Variants in JARID2 observed in about 807,000 individuals in gnomAD.
The protein encoded by JARID2 is protein Jumonji.
JARID2 carries 21 observed loss-of-function variants against 125.6 expected under a neutral mutation model. The observed-to-expected ratio is 0.17, with a 90% CI of 0.12 to 0.24. The LOEUF (loss-of-function observed/expected upper bound fraction) is 0.24. Among genes scored for constraint, JARID2 ranks in the 10% least tolerant of loss-of-function variants. JARID2 has a pLI of 1.00. For synonymous variants in JARID2, 736 were observed against 661.6 expected (o/e 1.11, Z -1.73); for missense variants, 1,303 against 1,639.6 (o/e 0.79, Z 3.55).
intron 3 of JARID2, among the ~76,000 whole-genome samples, chr6:15,412,422 C>A (rs1392283952): frequency 6.6e-6 from 1 of 152,148 alleles, no homozygotes; most frequent in Non-Finnish European, 1.5e-5. Flanking sequence ...GATTCTCATG[C>A]CTCAGCCTCC....
chr6:15,328,819 G>T (rs1227206614), intron 1 of JARID2, among the ~76,000 whole-genome samples: 1 of 152,160 alleles, frequency 6.6e-6, no homozygotes, highest in Non-Finnish European at 1.5e-5. Context: ...GGCTATTATT[G>T]CTGCAGGAAG....
At chr6:15,400,047 G>T (rs1241490567) in intron 2 of JARID2, among the ~76,000 whole-genome samples, 4 of 152,190 alleles carry the variant, frequency 2.6e-5, no homozygotes, top group Admixed American at 6.5e-5. Flanking sequence ...CCCTCAGTTG[G>T]ACTCCTGCCT....
chr6:15,472,585 G>A (rs77777716), intron 5 of JARID2, among the ~76,000 whole-genome samples: 1 of 152,156 alleles, frequency 6.6e-6, no homozygotes, highest in Non-Finnish European at 1.5e-5. Flanking sequence ...CAACCCAGCA[G>A]AGTCCCAGAA....
At chr6:15,336,557 C>T (rs1762885406) in intron 1 of JARID2, among the ~76,000 whole-genome samples, 1 of 151,914 alleles carries the variant, frequency 6.6e-6, no homozygotes, top group Non-Finnish European at 1.5e-5. Flanking sequence ...AAAGAATGTT[C>T]CCCAATGTTG....
chr6:15,306,293 C>T (rs1761819797), intron 1 of JARID2, among the ~76,000 whole-genome samples: 1 of 151,744 alleles, frequency 6.6e-6, no homozygotes, highest in Admixed American at 6.6e-5. Context: ...GTGAGCCAGC[C>T]AGCCTCTTTT....
intron 1 of JARID2, among the ~76,000 whole-genome samples, chr6:15,323,374 C>A (rs546101423): frequency 6.6e-6 from 1 of 152,008 alleles, no homozygotes; most frequent in African/African-American, 2.4e-5. Flanking sequence ...GCTACAGCAC[C>A]GGGAAATCCT....
rs1351841609 is a variant in JARID2, at chr6:15,496,696, G to A, written c.1471G>A (p.Glu491Lys). The A allele has an allele frequency of 6.2e-7, 1 of 1,613,394 alleles. No homozygotes were observed. The highest frequency in any genetic ancestry group is 8.5e-7 in the Non-Finnish European group (1 of 1,179,934). The change falls in exon 7 of 18, where the codon GAG becomes AAG. Residue 491 changes from glutamate to lysine, a missense_variant. Physicochemically the swap from Glu to Lys is moderately conservative, Grantham distance 56 (BLOSUM62 1). Around this residue, in one of 11 missense-constraint regions of JARID2, gnomAD observed 651 missense variants for 581.6 expected, o/e 1.12. Transcript: ENST00000341776. ...CGGACACGTGAAGAAGGAAGTGCCG[G>A]AGCGCAGTCTGGAGAGGAATCGGCC... ...LNGHVKKEVP[E>K]RSLERNRPKR...
At chr6:15,282,911 T>G (rs538577305) in intron 1 of JARID2, among the ~76,000 whole-genome samples, 61 of 151,304 alleles carry the variant, frequency 4.0e-4, no homozygotes, top group African/African-American at 1.5e-3. Flanking sequence ...TGATTGTTGG[T>G]CTTTTTCTTA....
At chr6:15,324,755 C>T (rs1302843540) in intron 1 of JARID2, among the ~76,000 whole-genome samples, 1 of 150,918 alleles carries the variant, frequency 6.6e-6, no homozygotes, top group African/African-American at 2.4e-5. Context: ...TCTCACAGTG[C>T]TGGGATTGCA....
chr6:15,455,207 A>G (rs1033744061), intron 4 of JARID2, among the ~76,000 whole-genome samples: 10 of 152,044 alleles, frequency 6.6e-5, no homozygotes, highest in African/African-American at 2.4e-4. Flanking sequence ...AAAAAAAAAA[A>G]ACAATGGTGA....
At chr6:15,386,001 G>A (rs894179311) in intron 2 of JARID2, among the ~76,000 whole-genome samples, 1 of 152,152 alleles carries the variant, frequency 6.6e-6, no homozygotes. Context: ...TCCCTGTTTA[G>A]GTACAAGGTA....
chr6:15,296,793 C>T lies in JARID2; in HGVS notation c.45+50209C>T, dbSNP rs115015176. ...GACAGACACATTAAGGTGTTGTAGG[C>T]TCATCTTGGGTGTTCCCAGCCCCCT... is the stretch of plus-strand genomic sequence containing the variant. On this transcript the variant is annotated intron_variant, in intron 1 of 17. Coordinates refer to ENST00000341776, the MANE Select transcript of JARID2 (RefSeq NM_004973.4). 7.3e-3 allele frequency among the ~76,000 whole-genome samples: 1,107 copies of T among 152,338 alleles called. 4 individuals are homozygous for T. The highest frequency in any genetic ancestry group is 0.012 in the Non-Finnish European group (797 of 68,034).
chr6:15,414,077 T>C (rs1309804762), intron 3 of JARID2, among the ~76,000 whole-genome samples: 1 of 152,210 alleles, frequency 6.6e-6, no homozygotes, highest in Non-Finnish European at 1.5e-5. Context: ...ATGTGCATGA[T>C]TTTAGAATCA....
chr6:15,413,416 G>A (rs1049689125), intron 3 of JARID2, among the ~76,000 whole-genome samples: 23 of 152,098 alleles, frequency 1.5e-4, no homozygotes, highest in Admixed American at 1.4e-3. Context: ...AGTTTGTTTC[G>A]TGTTGCTGTA....
chr6:15,262,099 T>G (rs2127326215), intron 1 of JARID2, among the ~76,000 whole-genome samples: 1 of 151,800 alleles, frequency 6.6e-6, no homozygotes. Flanking sequence ...GTTTTGACTT[T>G]GTCTGAGTAG....
chr6:15,272,527 C>T (rs766575473), intron 1 of JARID2, among the ~76,000 whole-genome samples: 2 of 152,204 alleles, frequency 1.3e-5, no homozygotes, highest in Admixed American at 6.5e-5. Flanking sequence ...CAGCATTTTA[C>T]GTATTCACTT....
intron 1 of JARID2, among the ~76,000 whole-genome samples, chr6:15,271,228 G>A (rs895562923): frequency 2.6e-5 from 4 of 152,156 alleles, no homozygotes; most frequent in African/African-American, 7.2e-5. Context: ...TGGGACCAAG[G>A]GAGGTTCAGG....
At chr6:15,312,375 C>T (rs998839076) in intron 1 of JARID2, among the ~76,000 whole-genome samples, 20 of 152,106 alleles carry the variant, frequency 1.3e-4, no homozygotes, top group Non-Finnish European at 2.8e-4. Context: ...TTTAAAAAAC[C>T]AATCTTATTG....
intron 5 of JARID2, among the ~76,000 whole-genome samples, chr6:15,486,415 C>T (rs1769867565): frequency 6.6e-6 from 1 of 152,200 alleles, no homozygotes; most frequent in African/African-American, 2.4e-5. Flanking sequence ...TCACTTGTAG[C>T]CACCTGGGGT....
Sources: allele counts gnomAD v4.1 joint callset (sites outside exome capture counted in the v4.1 genomes callset), GRCh38; gene constraint gnomAD v4.1.1; regional missense constraint gnomAD v4.1.1; transcripts MANE v1.5; gene names NCBI Gene and HGNC (gene_info 2026-07-23, HGNC 2026-07-21).